The following MGAT4C variants were observed in gnomAD, a reference collection of about 807,000 sequenced individuals.
The protein encoded by MGAT4C is MGAT4 family member C.
MGAT4C carries 19 observed loss-of-function variants against 40.1 expected under a neutral mutation model. That is an observed-to-expected ratio of 0.47 (90% CI 0.33 to 0.70). The LOEUF is 0.70. Among genes scored for constraint, MGAT4C ranks in the 30% least tolerant of loss-of-function variants. MGAT4C has a pLI of 0.02. For synonymous variants in MGAT4C, 181 were observed against 187.1 expected (o/e 0.97, Z 0.27); for missense variants, 491 against 563.2 (o/e 0.87, Z 1.30).
At chr12:86,300,843 T>C (rs1395487821) in intron 4 of MGAT4C, among the ~76,000 whole-genome samples, 1 of 152,026 alleles carries the variant, frequency 6.6e-6, no homozygotes, top group African/African-American at 2.4e-5. Context: ...TACTGAGAGA[T>C]AAAAAGTTAT....
chr12:86,415,651 T>C (rs991304249), intron 3 of MGAT4C, among the ~76,000 whole-genome samples: 1 of 151,966 alleles, frequency 6.6e-6, no homozygotes, highest in African/African-American at 2.4e-5. Context: ...AGAAAGATCA[T>C]CCTGGCATGA....
chr12:86,437,615 T>C (rs1168783748), intron 2 of MGAT4C, among the ~76,000 whole-genome samples: 2 of 151,962 alleles, frequency 1.3e-5, no homozygotes, highest in East Asian at 3.9e-4. Context: ...ATTGCAGTTT[T>C]ACAAATTGAA....
At chr12:86,786,908 T>C (rs1292626240) in intron 1 of MGAT4C, among the ~76,000 whole-genome samples, 6 of 152,164 alleles carry the variant, frequency 3.9e-5, no homozygotes, top group South Asian at 4.1e-4. Context: ...ATTTATTGTA[T>C]TGAACTGAAT....
chr12:86,710,871 AAT>A (rs1950544455), intron 2 of MGAT4C, among the ~76,000 whole-genome samples: 2 of 152,192 alleles, frequency 1.3e-5, no homozygotes, highest in Admixed American at 6.6e-5. Flanking sequence ...GGAATAAACT[AAT>A]GTCTTTTGCA....
Position 86,071,293 on chromosome 12 carries a change from T to C in MGAT4C, c.-56-21570A>G, listed in dbSNP as rs899837871. ...GGGTCATCCTGCTTGAAGGAAAAAATAAATCTGATAGGTACTAGAAACCAA... is the reference window on the plus strand; with the variant it reads ...GGGTCATCCTGCTTGAAGGAAAAAACAAATCTGATAGGTACTAGAAACCAA... On this transcript the variant is annotated intron_variant, in intron 1 of 4. Transcript: ENST00000611864. Among the ~76,000 whole-genome samples, 7 of 152,034 alleles carry C rather than the reference T, an allele frequency of 4.6e-5. No individual in the cohort carries two copies. In the East Asian group the frequency reaches 1.4e-3, roughly 29 times the overall value.
At chr12:86,011,267 CA>C (rs1242612436) in intron 2 of MGAT4C, among the ~76,000 whole-genome samples, 9 of 152,196 alleles carry the variant, frequency 5.9e-5, no homozygotes, top group African/African-American at 2.2e-4. Flanking sequence ...TTGCATAAGT[CA>C]AGAACTTTTA....
intron 1 of MGAT4C, among the ~76,000 whole-genome samples, chr12:86,163,480 C>G (rs1328906968): frequency 2.6e-5 from 4 of 152,192 alleles, no homozygotes; most frequent in Non-Finnish European, 5.9e-5. Flanking sequence ...GAGCGAGCCA[C>G]TGTGCCTGGA....
intron 2 of MGAT4C, among the ~76,000 whole-genome samples, chr12:86,576,173 G>T (rs1052535175): frequency 1.3e-5 from 2 of 151,624 alleles, no homozygotes; most frequent in African/African-American, 4.8e-5. Context: ...TTTTTGATTG[G>T]ATTATTAGAT....
intron 3 of MGAT4C, among the ~76,000 whole-genome samples, chr12:86,336,166 T>A (rs1954787627): frequency 6.6e-6 from 1 of 152,208 alleles, no homozygotes; most frequent in South Asian, 2.1e-4. Context: ...TGTTGCATTG[T>A]TACTTTTTTT....
chr12:86,385,506 A>T lies in MGAT4C; in HGVS notation c.-120+49651T>A, dbSNP rs188398612. On this transcript the variant is annotated intron_variant, in intron 3 of 7. Transcript: ENST00000548651. ...ATATTAGCCTGAAATTTTGTTGCTT[A>T]ATGTCTTTCAATGCCTCCTCAGCTG... Among the ~76,000 whole-genome samples, 304 of 152,308 alleles carry T rather than the reference A, an allele frequency of 2.0e-3. 5 individuals carry two copies. The highest frequency in any genetic ancestry group is 0.019 in the Admixed American group (295 of 15,292).
chr12:86,629,629 T>C (rs1372494791), intron 2 of MGAT4C, among the ~76,000 whole-genome samples: 1 of 152,166 alleles, frequency 6.6e-6, no homozygotes, highest in Non-Finnish European at 1.5e-5. Context: ...ACATGGAAAC[T>C]GAACAACCTG....
At chr12:86,270,871 T>C (rs1445385176) in intron 4 of MGAT4C, among the ~76,000 whole-genome samples, 1 of 152,086 alleles carries the variant, frequency 6.6e-6, no homozygotes, top group Non-Finnish European at 1.5e-5. Flanking sequence ...CATGTATTTA[T>C]AACTAACTAA....
chr12:86,209,923 TA>T (rs1950393765), intron 1 of MGAT4C, among the ~76,000 whole-genome samples: 2 of 152,200 alleles, frequency 1.3e-5, no homozygotes, highest in African/African-American at 4.8e-5. Context: ...TTCTATGCTT[TA>T]AAAATAGAAA....
chr12:86,809,488 A>G (rs1473302155), intron 1 of MGAT4C, among the ~76,000 whole-genome samples: 1 of 151,968 alleles, frequency 6.6e-6, no homozygotes, highest in East Asian at 1.9e-4. Context: ...CCACCATTTT[A>G]CCTTCCCACC....
chr12:86,548,296 T>TG (rs1313783471), intron 2 of MGAT4C, among the ~76,000 whole-genome samples: 1 of 152,100 alleles, frequency 6.6e-6, no homozygotes, highest in African/African-American at 2.4e-5. Context: ...TTTTTAATAC[T>TG]GGGAAAACAT....
intron 3 of MGAT4C, among the ~76,000 whole-genome samples, chr12:86,360,858 C>A (rs189389176): frequency 2.0e-5 from 3 of 150,892 alleles, no homozygotes; most frequent in African/African-American, 7.2e-5. Context: ...AATGGACGAA[C>A]GTTCCATGCT....
At chr12:86,806,834 C>T (rs889415087) in intron 1 of MGAT4C, among the ~76,000 whole-genome samples, 2 of 151,628 alleles carry the variant, frequency 1.3e-5, no homozygotes, top group African/African-American at 2.4e-5. Context: ...GGAAGGAGAA[C>T]ATCACACACT....
At chr12:86,346,841 G>A (rs978716511) in intron 3 of MGAT4C, among the ~76,000 whole-genome samples, 1 of 152,174 alleles carries the variant, frequency 6.6e-6, no homozygotes, top group Non-Finnish European at 1.5e-5. Context: ...CCGGCTGCCA[G>A]TAGGGCTAGA....
rs1258632104 is a variant in MGAT4C at position 85,969,742 on chromosome 12, T to C, written c.*9547A>G. On this transcript the variant is annotated 3_prime_UTR_variant, in exon 5 of 5. Coordinates refer to ENST00000611864, the MANE Select transcript of MGAT4C (RefSeq NM_001351288.2). The stretch of plus-strand genomic sequence containing the variant: ...CAATGTATAATAGTGATAAGGGGCA[T>C]AGATTTTGAATTACACAAACCTGAA... 6.6e-6 allele frequency: 1 copy of C among 151,534 alleles called. No homozygotes were observed. Among genetic ancestry groups the C allele is most frequent in the African/African-American group, 2.4e-5 (1 of 41,388 alleles). 9.4% of individuals were successfully genotyped at this position (151,534 alleles called of 1,614,324 possible).
Sources: allele counts gnomAD v4.1 joint callset (sites outside exome capture counted in the v4.1 genomes callset), GRCh38; gene constraint gnomAD v4.1.1; transcripts MANE v1.5; gene names NCBI Gene and HGNC (gene_info 2026-07-23, HGNC 2026-07-21).